Variants in CCDC3 observed in about 807,000 individuals in gnomAD.
The protein encoded by CCDC3 is coiled-coil domain-containing protein 3.
In CCDC3, 24 loss-of-function variants were observed where a neutral mutation model predicts 21.4. The ratio of observed to expected loss-of-function variants is 1.12; its 90% CI spans 0.81 to 1.58. CCDC3 has a LOEUF of 1.58. Ranked by LOEUF, CCDC3 falls within the 40% of genes most tolerant of loss-of-function variation. The pLI is 0.00. For synonymous variants in CCDC3, 186 were observed against 166.0 expected (o/e 1.12, Z -0.93); for missense variants, 425 against 360.9 (o/e 1.18, Z -1.44).
intron 2 of CCDC3, among the ~76,000 whole-genome samples, chr10:12,983,805 C>T (rs1046756592): frequency 1.3e-5 from 2 of 151,760 alleles, no homozygotes; most frequent in Non-Finnish European, 2.9e-5. Context: ...TGAGGCTGGG[C>T]GCAATGACTC....
At chr10:12,935,810 C>T (rs987782964) in intron 2 of CCDC3, among the ~76,000 whole-genome samples, 1 of 152,118 alleles carries the variant, frequency 6.6e-6, no homozygotes, top group African/African-American at 2.4e-5. Flanking sequence ...GGACTGCAGG[C>T]GTGAGCCAGT....
chr10:13,054,186 C>T (rs1265877048), intron 4 of CCDC3, among the ~76,000 whole-genome samples: 2 of 146,786 alleles, frequency 1.4e-5, no homozygotes, highest in Non-Finnish European at 1.5e-5. Context: ...GGAAACTTGG[C>T]AAGGGGCACA....
intron 5 of CCDC3, among the ~76,000 whole-genome samples, chr10:13,011,259 A>G (rs1278536311): frequency 6.6e-6 from 1 of 151,994 alleles, no homozygotes; most frequent in East Asian, 1.9e-4. Flanking sequence ...CCCTGTTTTC[A>G]GAAGACATGA....
chr10:13,030,743 AAAG>A (rs1351001358), intron 5 of CCDC3, among the ~76,000 whole-genome samples: 2 of 152,302 alleles, frequency 1.3e-5, no homozygotes, highest in South Asian at 2.1e-4. Flanking sequence ...CAAAAGAAAC[AAAG>A]AAGGCCATTA....
intron 2 of CCDC3, among the ~76,000 whole-genome samples, chr10:12,944,183 C>G (rs1834878958): frequency 6.6e-6 from 1 of 152,172 alleles, no homozygotes; most frequent in Non-Finnish European, 1.5e-5. Flanking sequence ...CCCTACAAAG[C>G]TCTCTCTCAT....
At chr10:13,094,437 A>G (rs1168943257) in intron 3 of CCDC3, among the ~76,000 whole-genome samples, 1 of 151,932 alleles carries the variant, frequency 6.6e-6, no homozygotes, top group East Asian at 2.0e-4. Context: ...TTGTTTTTTT[A>G]GTAGAGATGG....
At chr10:12,910,069 C>G (rs1834242367) in intron 2 of CCDC3, among the ~76,000 whole-genome samples, 1 of 152,210 alleles carries the variant, frequency 6.6e-6, no homozygotes, top group Non-Finnish European at 1.5e-5. Context: ...GATGACTTGT[C>G]CACACAGCCA....
intron 2 of CCDC3, among the ~76,000 whole-genome samples, chr10:12,918,176 C>A (rs954328865): frequency 2.0e-5 from 3 of 152,150 alleles, no homozygotes; most frequent in South Asian, 2.1e-4. Flanking sequence ...CTGATCGGAC[C>A]CACCTTGTCC....
At chr10:12,929,528 C>G (rs1410475697) in intron 2 of CCDC3, among the ~76,000 whole-genome samples, 2 of 152,138 alleles carry the variant, frequency 1.3e-5, no homozygotes, top group Non-Finnish European at 2.9e-5. Context: ...AGACAACACC[C>G]TGCAAACCCA....
At position 13,042,457 on chromosome 10, in the gene CCDC3, C is replaced by T. The variant is rs745989530; in HGVS notation, c.-2+7217G>A. 5.6e-4 allele frequency among the ~76,000 whole-genome samples: 85 copies of T among 152,210 alleles called. 2 individuals are homozygous for T. The highest frequency in any genetic ancestry group is 1.2e-4 in the Non-Finnish European group (8 of 68,044). ...TGGCCCAGTTGATGAGGTTGGTTAT[C>T]CGGTATGAAAGCAATGTGGGACTAG... On this transcript the variant is annotated intron_variant, in intron 5 of 6. Coordinates refer to the CCDC3 transcript ENST00000378839.
intron 5 of CCDC3, among the ~76,000 whole-genome samples, chr10:13,021,319 T>C (rs1836141777): frequency 6.6e-6 from 1 of 152,226 alleles, no homozygotes; most frequent in South Asian, 2.1e-4. Flanking sequence ...AATCTTGCTG[T>C]GCTCTCCAGG....
intron 2 of CCDC3, chr10:13,098,704 G>T (rs1832665541): frequency 1.1e-5 from 1 of 91,712 alleles, no homozygotes; most frequent in Non-Finnish European, 2.2e-5. Context: ...GTTATTTCCT[G>T]CACTGATTTT....
upstream of CCDC3, chr10:13,099,941 C>T (rs1832697841): frequency 6.6e-6 from 1 of 152,000 alleles, no homozygotes; most frequent in Non-Finnish European, 1.5e-5. Context: ...CAGCCTCGAC[C>T]CCGCACGGAC....
chr10:12,929,806 T>C (rs1299212252), intron 2 of CCDC3, among the ~76,000 whole-genome samples: 1 of 152,132 alleles, frequency 6.6e-6, no homozygotes, highest in Non-Finnish European at 1.5e-5. Context: ...TTTAATGCAA[T>C]GGGGCGGGGG....
chr10:12,904,884 T>TC (rs1049622400), intron 2 of CCDC3, among the ~76,000 whole-genome samples: 13 of 151,328 alleles, frequency 8.6e-5, no homozygotes, highest in African/African-American at 1.5e-4. Context: ...GTGCAGAAAG[T>TC]CCCCCCCAGT....
rs2131287016 is a variant in CCDC3, at chr10:13,000,026, G to A, written c.374+1171C>T. Among the ~76,000 whole-genome samples the A allele has an allele frequency of 2.0e-5, 3 of 152,268 alleles. No homozygotes were observed. The South Asian group carries it at 6.2e-4, about 32-fold the overall frequency. On this transcript the variant is annotated intron_variant, in intron 1 of 2. Transcript: ENST00000378825. The stretch of plus-strand genomic sequence containing the variant: ...ACTTAGATATTCTGGCTTCAATATG[G>A]AAAACATGTGTTGCCATGCACTTAC...
chr10:13,021,538 C>T (rs370421366), intron 5 of CCDC3, among the ~76,000 whole-genome samples: 13 of 152,224 alleles, frequency 8.5e-5, no homozygotes, highest in African/African-American at 3.1e-4. Flanking sequence ...AGAGGTGCGG[C>T]TTCCTTTGTT....
At chr10:12,938,866 T>G (rs1037858508) in intron 2 of CCDC3, among the ~76,000 whole-genome samples, 3 of 152,218 alleles carry the variant, frequency 2.0e-5, no homozygotes, top group Non-Finnish European at 4.4e-5. Context: ...ATTTGTATCA[T>G]GGGTGAATGA....
chr10:13,030,531 A>G (rs1475583095), intron 5 of CCDC3, among the ~76,000 whole-genome samples: 4 of 152,068 alleles, frequency 2.6e-5, no homozygotes, highest in African/African-American at 9.7e-5. Context: ...GCTCCAATTA[A>G]AAGATACAGA....
Sources: allele counts gnomAD v4.1 joint callset (sites outside exome capture counted in the v4.1 genomes callset), GRCh38; gene constraint gnomAD v4.1.1; transcripts MANE v1.5; gene names NCBI Gene and HGNC (gene_info 2026-07-23, HGNC 2026-07-21).